Variants in UROC1 observed in about 807,000 individuals in gnomAD.
The protein encoded by UROC1 is urocanate hydratase.
Under a neutral mutation model 89.5 loss-of-function variants are expected in UROC1, and 79 were observed. The ratio of observed to expected loss-of-function variants is 0.88; its 90% confidence interval spans 0.74 to 1.06. The LOEUF (loss-of-function observed/expected upper bound fraction) is 1.06. UROC1 is among the 50% of genes least tolerant of loss of function. The pLI is 0.00. For synonymous variants in UROC1, 361 were observed against 354.8 expected, an observed-to-expected ratio of 1.02 and a Z score of -0.20; for missense variants, 885 against 907.8, an observed-to-expected ratio of 0.97 and a Z score of 0.32.
chr3:126,490,677 A>C (rs1157614599), intron 16 of UROC1, among the ~76,000 whole-genome samples: 5 of 152,126 alleles, frequency 3.3e-5, no homozygotes, highest in South Asian at 2.1e-4. Flanking sequence ...TCCAAAAAAA[A>C]AAAAAGAGGA....
At chr3:126,482,853 C>T (rs539788913) in intron 19 of UROC1, among the ~76,000 whole-genome samples, 71 of 152,074 alleles carry the variant, frequency 4.7e-4, no homozygotes, top group Admixed American at 9.2e-4. Context: ...GATGATGCCA[C>T]GCCTCCTCCC....
intron 13 of UROC1, among the ~76,000 whole-genome samples, 192 bp downstream of exon 13, chr3:126,499,145 C>T (rs923245970): frequency 8.6e-5 from 13 of 151,886 alleles, no homozygotes; most frequent in Non-Finnish European, 1.5e-4. Flanking sequence ...ATTTCCTCCT[C>T]ACCTGCCTGT....
rs117396235 is a variant in UROC1 at position 126,502,340 on chromosome 3, C to T, written c.903-1060G>A. Among the ~76,000 whole-genome samples the T allele has an allele frequency of 8.4e-3, 1,217 of 144,068 alleles. 35 individuals are homozygous for T. In the East Asian group the frequency reaches 0.13, roughly 16 times the overall value. The allele number at this position is 144,068 out of a possible 152,430, so 94.5% of individuals were successfully genotyped here. ...TGCATGTGTGCATGTGTGTTGTGTG[C>T]GTTTGTGTGTTTGTGTTACATGCAT... On this transcript the variant is annotated intron_variant, in intron 9 of 19. Transcript: ENST00000290868.
At position 126,499,346 on chromosome 3, in the gene UROC1, T is replaced by C. The variant is rs377507830; in HGVS notation, c.1307A>G (p.His436Arg). 7 of 1,611,456 alleles carry C rather than the reference T, an allele frequency of 4.3e-6. No individual in the cohort carries two copies. The East Asian group carries it at 6.7e-5, about 15-fold the overall frequency. Residue 436 changes from histidine to arginine, a missense_variant, in exon 13 of 20, where the codon CAC becomes CGC. Transcript: ENST00000290868. The part of the protein sequence containing the change: ...TEFRYPSYVQ[H>R]IMGDIFSQGF... ...GCCGCCCATCACTCACCCCATGATG[T>C]GCTGCACATAGGAAGGGTAGCGGAA...
chr3:126,482,343 C>G lies in UROC1; in HGVS notation c.*2G>C, dbSNP rs1935407527. On this transcript the variant is annotated 3_prime_UTR_variant, in exon 20 of 20. Transcript: ENST00000290868. ...AGGCAGGGGCCGCGACTCCTGGCTC[C>G]CTCAGAGCTGCAGGGCCTGCTGGAG... 1 of 1,612,476 alleles carries G rather than the reference C, an allele frequency of 6.2e-7. No individual in the cohort carries two copies. The highest frequency in any genetic ancestry group is 1.3e-5 in the African/African-American group (1 of 74,890).
intron 18 of UROC1, among the ~76,000 whole-genome samples, chr3:126,487,605 G>A (rs755066227): frequency 2.6e-5 from 4 of 152,192 alleles, no homozygotes; most frequent in South Asian, 2.1e-4. Flanking sequence ...TCCTCCCTCC[G>A]AAGCTGCAGC....
chr3:126,496,811 T>A (rs1394606276), intron 14 of UROC1, among the ~76,000 whole-genome samples: 1 of 152,204 alleles, frequency 6.6e-6, no homozygotes, highest in Admixed American at 6.5e-5. Flanking sequence ...AATCCCTCAC[T>A]CCTGTGACTT....
rs116272550 is a variant in UROC1, at chr3:126,507,787, G to T, written c.557C>A (p.Ser186Tyr). Reference sequence around the variant, plus strand: ...GAGCTTCTCATACTCCGTCCGGGAGGAGTAGTTGGGAATGACCTGGAGAAG... The same window carrying T: ...GAGCTTCTCATACTCCGTCCGGGAGTAGTAGTTGGGAATGACCTGGAGAAG... ...ITNGMVIPNY[S>Y]SRTEYEKLFA... is the part of the protein sequence containing the mutation. Residue 186 changes from serine to tyrosine, a missense_variant, in exon 6 of 20, where the codon TCC (serine) becomes TAC (tyrosine). By Grantham distance (144) the Ser-to-Tyr change is moderately radical. Transcript: ENST00000290868. 122 of 1,614,164 alleles carry T rather than the reference G, an allele frequency of 7.6e-5. No individual in the cohort carries two copies. Among genetic ancestry groups the T allele is most frequent in the Non-Finnish European group, 1.0e-4 (121 of 1,180,034 alleles).
intron 17 of UROC1, among the ~76,000 whole-genome samples, 200 bp from the exon 18 acceptor site, chr3:126,488,479 C>T (rs546348219): frequency 5.3e-5 from 8 of 152,330 alleles, no homozygotes; most frequent in East Asian, 1.9e-4. Context: ...AACTGACACA[C>T]GTCTAGTTGT....
intron 15 of UROC1, among the ~76,000 whole-genome samples, chr3:126,494,911 A>AC (rs1935743606): frequency 6.7e-6 from 1 of 148,688 alleles, no homozygotes; most frequent in Non-Finnish European, 1.5e-5. Flanking sequence ...CTCACAACAC[A>AC]CCCCCTGTAC....
chr3:126,499,407 C>T lies in UROC1; in HGVS notation c.1246G>A (p.Ala416Thr). The T allele has an allele frequency of 6.2e-7, 1 of 1,612,090 alleles. No homozygotes were observed. Among genetic ancestry groups the T allele is most frequent in the Non-Finnish European group, 8.5e-7 (1 of 1,179,296 alleles). ...AFLLEAQRAG[A>T]DVEKKGAGRT... The stretch of plus-strand genomic sequence containing the variant: ...CCAGCACCTTTCTTCTCCACATCCG[C>T]TCCTGTGGGCAGAGCCCGGACAGTC... The change falls in exon 13 of 20, where the codon GCG becomes ACG. Residue 416 changes from alanine to threonine, a missense_variant and splice_region_variant. Transcript: ENST00000290868.
intron 18 of UROC1, 69 bp downstream of exon 18, chr3:126,488,129 G>T (rs751987244): frequency 5.8e-6 from 9 of 1,559,244 alleles, no homozygotes; most frequent in Non-Finnish European, 8.0e-6. Context: ...ACCTCAGCCT[G>T]GCCCTGCCCC....
intron 11 of UROC1, 120 bp from the exon 12 acceptor site, chr3:126,500,274 C>T (rs13092793): frequency 0.25 from 243,844 of 957,848 alleles, 34,416 homozygotes; most frequent in East Asian, 0.56. Flanking sequence ...CTGGACTGCT[C>T]CTGCTCCTCG....
chr3:126,487,652 C>T (rs781182554), intron 18 of UROC1, among the ~76,000 whole-genome samples: 25 of 152,252 alleles, frequency 1.6e-4, no homozygotes, highest in Non-Finnish European at 3.7e-4. Flanking sequence ...AATCCAGCTT[C>T]AACCAGGAGC....
At chr3:126,497,253 A>G (rs1162303723) in intron 14 of UROC1, among the ~76,000 whole-genome samples, 2 of 152,360 alleles carry the variant, frequency 1.3e-5, no homozygotes, top group African/African-American at 4.8e-5. Context: ...CTGGTGAACC[A>G]CACAGAAAAG....
rs113674578 is a variant in UROC1, at chr3:126,481,874, CCT to C, written c.*469_*470del. ...ACACAGCTCTGTTGACCCTTTATTT[CCT>C]GGTCTATCCTCCTTCCCGAACTCCT... On this transcript the variant is annotated 3_prime_UTR_variant, in exon 20 of 20. Transcript: ENST00000290868. 0.054 allele frequency: 11,917 copies of C among 222,296 alleles called. 1,010 individuals carry two copies. The highest frequency in any genetic ancestry group is 0.2 in the African/African-American group (8,562 of 43,758). The allele number at this position is 222,296 out of a possible 1,614,324, so 13.8% of individuals were successfully genotyped here. A position where few individuals can be genotyped will look rare whatever the true frequency, so the allele number is the denominator to read the frequency against.
chr3:126,482,858 C>G (rs1336932095), intron 19 of UROC1, among the ~76,000 whole-genome samples: 1 of 152,090 alleles, frequency 6.6e-6, no homozygotes, highest in East Asian at 1.9e-4. Context: ...TGCCACGCCT[C>G]CTCCCCCATT....
intron 4 of UROC1, 61 bp downstream of exon 4, chr3:126,508,355 C>T: frequency 1.3e-6 from 2 of 1,550,908 alleles, no homozygotes; most frequent in Non-Finnish European, 8.9e-7. Flanking sequence ...AGCTCCTAGG[C>T]CAGAGGACCA....
intron 15 of UROC1, among the ~76,000 whole-genome samples, chr3:126,493,782 T>G (rs1186594559): frequency 6.6e-6 from 1 of 152,214 alleles, no homozygotes; most frequent in Non-Finnish European, 1.5e-5. Context: ...AGAAAATTTG[T>G]ACAGCCCCAA....
Sources: gnomAD v4.1 joint callset for allele counts (sites outside exome capture counted in the v4.1 genomes callset) on GRCh38, gnomAD v4.1.1 for gene constraint, MANE v1.5 for transcripts, NCBI Gene and HGNC (gene_info 2026-07-23, HGNC 2026-07-21) for gene names.